The following KLRG1 variants were observed in gnomAD, a reference collection of about 807,000 sequenced individuals.
KLRG1 encodes killer cell lectin like receptor G1.
In KLRG1, 16 loss-of-function variants were observed where a neutral mutation model predicts 21.8. The observed-to-expected ratio is 0.73, with a 90% CI of 0.50 to 1.11. The LOEUF (loss-of-function observed/expected upper bound fraction) is 1.11. KLRG1 is among the 50% of genes most tolerant of loss of function. The probability of loss-of-function intolerance (pLI) is 0.00; values close to 1 mark genes in which losing one functional copy is unlikely to be tolerated. For synonymous variants in KLRG1, 69 were observed against 75.9 expected, an observed-to-expected ratio of 0.91 and a Z score of 0.47; for missense variants, 173 against 218.3, an observed-to-expected ratio of 0.79 and a Z score of 1.31.
At chr12:8,960,800 A>G (rs1278274597) in intron 1 of KLRG1, among the ~76,000 whole-genome samples, 1 of 152,212 alleles carries the variant, frequency 6.6e-6, no homozygotes, top group Non-Finnish European at 1.5e-5. Flanking sequence ...AAAATATAGT[A>G]CTGCTTGTAG....
At chr12:9,164,902 C>T in the KLRG1 span, among the ~76,000 whole-genome samples, 5 of 152,128 alleles carry the variant, frequency 3.3e-5, no homozygotes, top group Non-Finnish European at 5.9e-5. Context: ...ATTCTGCAAG[C>T]GCTAAGAAAT....
chr12:8,984,743 A>T (rs1399982757), upstream of KLRG1, among the ~76,000 whole-genome samples: 5 of 152,346 alleles, frequency 3.3e-5, no homozygotes, highest in Non-Finnish European at 7.3e-5. Flanking sequence ...CATCTATGTT[A>T]CATAAGTTTC....
At chr12:9,024,712 A>T in the KLRG1 span, among the ~76,000 whole-genome samples, 1 of 152,312 alleles carries the variant, frequency 6.6e-6, no homozygotes, top group South Asian at 2.1e-4. Flanking sequence ...GGTGAACCCC[A>T]GGCTCTTCAT....
At chr12:9,060,960 AAC>A in the KLRG1 span, among the ~76,000 whole-genome samples, 3 of 152,158 alleles carry the variant, frequency 2.0e-5, no homozygotes, top group Non-Finnish European at 4.4e-5. Flanking sequence ...GCTTTTGTGA[AAC>A]ACATTTAACT....
chr12:9,072,276 G>C, the KLRG1 span: 1 of 1,482,638 alleles, frequency 6.7e-7, no homozygotes, highest in Non-Finnish European at 9.2e-7. Flanking sequence ...ATCTACTGTT[G>C]CACTGCTTTA....
the KLRG1 span, chr12:9,200,266 A>G: frequency 7.5e-5 from 56 of 745,402 alleles, 1 homozygote; most frequent in South Asian, 1.2e-3. Flanking sequence ...TAATATTACA[A>G]AAGTGCTGAG....
the KLRG1 span, among the ~76,000 whole-genome samples, chr12:9,035,003 GT>G: frequency 6.6e-6 from 1 of 151,654 alleles, no homozygotes; most frequent in Non-Finnish European, 1.5e-5. Context: ...TTGTGTCTTA[GT>G]TTTTAACAAA....
chr12:9,107,113 C>A, the KLRG1 span, among the ~76,000 whole-genome samples: 1 of 152,162 alleles, frequency 6.6e-6, no homozygotes, highest in Non-Finnish European at 1.5e-5. Context: ...CCATAATATT[C>A]AGCTGTGGCT....
At chr12:9,124,108 A>G in the KLRG1 span, among the ~76,000 whole-genome samples, 1 of 152,234 alleles carries the variant, frequency 6.6e-6, no homozygotes, top group Non-Finnish European at 1.5e-5. Context: ...TTATTTCTAA[A>G]CAGAACTTGT....
At chr12:8,957,610 C>T (rs756175565) in intron 1 of KLRG1, among the ~76,000 whole-genome samples, 2 of 152,108 alleles carry the variant, frequency 1.3e-5, no homozygotes, top group Admixed American at 1.3e-4. Context: ...TTACACTTCT[C>T]TTTGGCATGT....
the KLRG1 span, among the ~76,000 whole-genome samples, chr12:9,123,230 T>C: frequency 1.3e-5 from 2 of 152,236 alleles, no homozygotes; most frequent in Middle Eastern, 6.8e-3. Flanking sequence ...AAACCACAGA[T>C]AGTACCTAAC....
chr12:8,992,205 G>A lies in KLRG1; in HGVS notation c.83-1G>A. The A allele has an allele frequency of 6.2e-7, 1 of 1,607,598 alleles. No individual in the cohort carries two copies. Among genetic ancestry groups the A allele is most frequent in the Non-Finnish European group, 8.5e-7 (1 of 1,177,920 alleles). On this transcript the variant is annotated splice_acceptor_variant, in intron 1 of 4. Coordinates refer to ENST00000356986, the MANE Select transcript of KLRG1 (RefSeq NM_005810.4). LOFTEE classifies it high-confidence loss of function. ...ATTGTGCTTTGACTCTGTTGTTGCA[G>A]CTTCCTCTTCCAGGCCTTCTTGTTC...
At chr12:9,195,197 A>G in the KLRG1 span, among the ~76,000 whole-genome samples, 776 of 152,130 alleles carry the variant, frequency 5.1e-3, no homozygotes, top group Non-Finnish European at 9.3e-3. Flanking sequence ...AATCACATGT[A>G]CTCCCCAAAA....
At chr12:9,070,727 C>T in the KLRG1 span, 13 of 600,962 alleles carry the variant, frequency 2.2e-5, no homozygotes, top group Non-Finnish European at 3.5e-5. Flanking sequence ...AAGTGGTGTG[C>T]GTAGAATTTT....
In KLRG1 at chr12:8,995,103, T is replaced by G. The variant is rs753806939; in HGVS notation, c.188-16T>G. The G allele has an allele frequency of 6.4e-7, 1 of 1,570,348 alleles. No individual in the cohort carries two copies. Among genetic ancestry groups the G allele is most frequent in the African/African-American group, 1.4e-5 (1 of 72,770 alleles). ...GTGGTCCATAAAGATGTGAACCAGG[T>G]CCTCTTCTCTCCTAGGCTCCAACTA... On this transcript the variant is annotated splice_polypyrimidine_tract_variant and intron_variant, in intron 2 of 4. Coordinates refer to ENST00000356986, the MANE Select transcript of KLRG1 (RefSeq NM_005810.4).
chr12:9,082,250 C>G, the KLRG1 span, among the ~76,000 whole-genome samples: 1 of 152,196 alleles, frequency 6.6e-6, no homozygotes, highest in Non-Finnish European at 1.5e-5. Flanking sequence ...ACAACTCTAC[C>G]TAACCTCACA....
chr12:9,207,153 A>G, the KLRG1 span, among the ~76,000 whole-genome samples: 4 of 152,190 alleles, frequency 2.6e-5, no homozygotes, highest in Admixed American at 1.3e-4. Context: ...TTTGTGTTAG[A>G]TGGATAAGGG....
chr12:9,160,378 A>G, the KLRG1 span: 1 of 1,614,180 alleles, frequency 6.2e-7, no homozygotes, highest in East Asian at 2.2e-5. Flanking sequence ...TTTCATTCAG[A>G]TAGTTCAAGA....
chr12:8,957,312 T>G (rs1205576181), intron 1 of KLRG1, among the ~76,000 whole-genome samples: 1 of 152,230 alleles, frequency 6.6e-6, no homozygotes, highest in South Asian at 2.1e-4. Flanking sequence ...TATGTTTCTG[T>G]TCATATCTTC....
Sources: allele counts gnomAD v4.1 joint callset (sites outside exome capture counted in the v4.1 genomes callset), GRCh38; gene constraint gnomAD v4.1.1; transcripts MANE v1.5; gene names NCBI Gene and HGNC (gene_info 2026-07-23, HGNC 2026-07-21).